The following SYNPR variants were observed in gnomAD, a reference collection of about 807,000 sequenced individuals.
The protein encoded by SYNPR is synaptoporin.
A neutral mutation model predicts 32.9 loss-of-function variants in SYNPR; 23 were observed. The ratio of observed to expected loss-of-function variants is 0.70; its 90% confidence interval spans 0.50 to 0.99. SYNPR has a LOEUF of 0.99. SYNPR is among the 50% of genes least tolerant of loss of function. The pLI, the probability that SYNPR is intolerant of heterozygous loss-of-function variation, is 0.00. For missense variants in SYNPR, 318 were observed against 349.3 expected (o/e 0.91, Z 0.71); for synonymous variants, 146 against 135.9 (o/e 1.07, Z -0.52).
At chr3:63,598,964 C>A (rs1451018080) in intron 4 of SYNPR, among the ~76,000 whole-genome samples, 1 of 152,140 alleles carries the variant, frequency 6.6e-6, no homozygotes, top group African/African-American at 2.4e-5. Flanking sequence ...CAAGTGTGAG[C>A]CATTTACTTC....
In SYNPR at chr3:63,461,477, C is replaced by T. The variant is rs533764212; in HGVS notation, c.85-19355C>T. Among the ~76,000 whole-genome samples the T allele has an allele frequency of 2.6e-5, 4 of 152,160 alleles. No homozygotes were observed. The South Asian group carries it at 8.3e-4, about 32-fold the overall frequency. Reference sequence around the variant, plus strand: ...CTTACATCTTTGTCCTGGGCTTTTTCTGAATTTGTGTCAAAACATTTCTTC... The same window carrying T: ...CTTACATCTTTGTCCTGGGCTTTTTTTGAATTTGTGTCAAAACATTTCTTC... On this transcript the variant is annotated intron_variant, in intron 2 of 5. Transcript: ENST00000478300.
intron 2 of SYNPR, among the ~76,000 whole-genome samples, chr3:63,287,677 A>G (rs2086699034): frequency 6.6e-6 from 1 of 152,194 alleles, no homozygotes; most frequent in South Asian, 2.1e-4. Context: ...GAAGAAAGGG[A>G]ATAAAGAATA....
At chr3:63,361,598 CA>C (rs34536474) in intron 2 of SYNPR, among the ~76,000 whole-genome samples, 24,718 of 78,552 alleles carry the variant, frequency 0.31, 1,800 homozygotes, top group East Asian at 0.58. Flanking sequence ...ACTCTGTCTC[CA>C]AAAAAAAAAA....
chr3:63,541,159 A>G (rs1702295275), intron 3 of SYNPR, among the ~76,000 whole-genome samples: 1 of 151,560 alleles, frequency 6.6e-6, no homozygotes, highest in Non-Finnish European at 1.5e-5. Flanking sequence ...CGCAGAGAGA[A>G]AGAATAAAAC....
chr3:63,511,394 T>C (rs1211376188), intron 3 of SYNPR, among the ~76,000 whole-genome samples: 3 of 152,164 alleles, frequency 2.0e-5, no homozygotes, highest in Admixed American at 2.0e-4. Flanking sequence ...TAACAAACCA[T>C]TCTGTTCACA....
At chr3:63,235,849 CA>C (rs1445859021) in intron 1 of SYNPR, among the ~76,000 whole-genome samples, 2 of 152,058 alleles carry the variant, frequency 1.3e-5, no homozygotes, top group African/African-American at 4.8e-5. Flanking sequence ...TGTCTTTTAA[CA>C]GATCAAAAGT....
intron 1 of SYNPR, among the ~76,000 whole-genome samples, chr3:63,231,764 C>T (rs1250236685): frequency 1.3e-5 from 2 of 152,100 alleles, no homozygotes; most frequent in African/African-American, 4.8e-5. Context: ...AGAAGCTAAG[C>T]CATTCAGTGA....
chr3:63,211,817 T>A, the SYNPR span, among the ~76,000 whole-genome samples: 2 of 112,108 alleles, frequency 1.8e-5, no homozygotes, highest in Non-Finnish European at 3.7e-5. Flanking sequence ...CACTAACGCA[T>A]CATCTAGCAT....
At chr3:63,600,753 C>A (rs1874387) in intron 4 of SYNPR, among the ~76,000 whole-genome samples, 19,029 of 152,204 alleles carry the variant, frequency 0.13, 1,247 homozygotes, top group Admixed American at 0.15. Context: ...TCCCCTTCAC[C>A]TTCTGCCATG....
At position 63,415,417 on chromosome 3, in the gene SYNPR, A is replaced by ATT. The variant is rs34865189; in HGVS notation, c.85-65402_85-65401dup. 3.0e-3 allele frequency among the ~76,000 whole-genome samples: 448 copies of ATT among 149,208 alleles called. 1 individual carries two copies. Among genetic ancestry groups the ATT allele is most frequent in the African/African-American group, 0.01 (423 of 40,620 alleles). ...CAAATCCTGTCTCAGAGAATTAAGA[A>ATT]TTTTTTTTTTTTTTACGTTTTTAAA... On this transcript the variant is annotated intron_variant, in intron 2 of 5. Coordinates refer to ENST00000478300, the MANE Select transcript of SYNPR (RefSeq NM_001130003.2).
At chr3:63,334,193 T>C (rs2087260153) in intron 2 of SYNPR, among the ~76,000 whole-genome samples, 1 of 152,144 alleles carries the variant, frequency 6.6e-6, no homozygotes, top group African/African-American at 2.4e-5. Context: ...CTTCAGCATG[T>C]AAAAGCCTAG....
At chr3:63,592,140 C>G (rs929106165) in intron 4 of SYNPR, among the ~76,000 whole-genome samples, 2 of 151,956 alleles carry the variant, frequency 1.3e-5, no homozygotes, top group Non-Finnish European at 2.9e-5. Flanking sequence ...GAGACTGGAG[C>G]GGTGCATCTA....
intron 5 of SYNPR, 78 bp from the exon 6 acceptor site, chr3:63,615,146 G>T: frequency 2.7e-6 from 4 of 1,504,204 alleles, no homozygotes; most frequent in Non-Finnish European, 3.6e-6. Flanking sequence ...TTTGTATTGT[G>T]AAGGATTTTT....
chr3:63,503,750 A>G (rs1456125714), intron 3 of SYNPR, among the ~76,000 whole-genome samples: 1 of 152,066 alleles, frequency 6.6e-6, no homozygotes, highest in Non-Finnish European at 1.5e-5. Flanking sequence ...GAGTAACAGT[A>G]CCTCCTAAAA....
intron 2 of SYNPR, among the ~76,000 whole-genome samples, chr3:63,337,887 C>T (rs1333702277): frequency 6.6e-6 from 1 of 152,108 alleles, no homozygotes; most frequent in Non-Finnish European, 1.5e-5. Flanking sequence ...ATAGGTGGAG[C>T]ACAGGGGAGT....
intron 2 of SYNPR, among the ~76,000 whole-genome samples, chr3:63,305,621 C>T (rs2086901754): frequency 6.6e-6 from 1 of 151,918 alleles, no homozygotes; most frequent in Non-Finnish European, 1.5e-5. Context: ...TTCGGTCTCA[C>T]CGCCAGAAAT....
At chr3:63,534,486 A>T (rs957447928) in intron 3 of SYNPR, among the ~76,000 whole-genome samples, 1 of 152,184 alleles carries the variant, frequency 6.6e-6, no homozygotes, top group Non-Finnish European at 1.5e-5. Flanking sequence ...CTCTCTTACT[A>T]ATGCTAATCA....
intron 2 of SYNPR, among the ~76,000 whole-genome samples, chr3:63,372,289 G>A (rs1321314395): frequency 1.3e-5 from 2 of 152,132 alleles, no homozygotes; most frequent in Non-Finnish European, 2.9e-5. Context: ...CCAAGTGAAG[G>A]CCCCAGCTTG....
intron 2 of SYNPR, among the ~76,000 whole-genome samples, chr3:63,302,326 A>T (rs1005240895): frequency 1.7e-4 from 26 of 152,000 alleles, no homozygotes; most frequent in Admixed American, 3.3e-4. Flanking sequence ...TAGGAAGAAA[A>T]CTAAACACTT....
Sources: allele counts gnomAD v4.1 joint callset (sites outside exome capture counted in the v4.1 genomes callset), GRCh38; gene constraint gnomAD v4.1.1; transcripts MANE v1.5; gene names NCBI Gene and HGNC (gene_info 2026-07-23, HGNC 2026-07-21).